The following NBPF8 variants were observed in gnomAD, a reference collection of about 807,000 sequenced individuals.
The protein encoded by NBPF8 is NBPF member 8, also known as NBPF family member NBPF8.
chr1:120,433,150 G>T (rs1436411711), upstream of NBPF8: 1 of 152,108 alleles, frequency 6.6e-6, no homozygotes, highest in Non-Finnish European at 1.5e-5. Context: ...ACACAATTCT[G>T]CTTAATATTT....
intron 1 of NBPF8, among the ~76,000 whole-genome samples, chr1:120,420,674 C>T (rs1660548696): frequency 2.1e-5 from 3 of 145,520 alleles, no homozygotes; most frequent in African/African-American, 5.3e-5. Flanking sequence ...AAGGCCGTTC[C>T]CATCTCCCAT....
chr1:120,420,738 C>T (rs1423475598), intron 1 of NBPF8, among the ~76,000 whole-genome samples: 2 of 144,348 alleles, frequency 1.4e-5, no homozygotes, highest in Non-Finnish European at 3.0e-5. Flanking sequence ...TTCTTGGTTC[C>T]CCAGGACCTT....
At chr1:120,432,011 C>A (rs1403925202), upstream of NBPF8, among the ~76,000 whole-genome samples, 2 of 117,232 alleles carry the variant, frequency 1.7e-5, no homozygotes, top group Non-Finnish European at 3.5e-5. Context: ...TGGAAGTGTG[C>A]ATTCATCTAA....
chr1:120,450,421 G>A (rs1407932781), intron 11 of NBPF8, among the ~76,000 whole-genome samples: 1 of 151,878 alleles, frequency 6.6e-6, no homozygotes, highest in Non-Finnish European at 1.5e-5. Flanking sequence ...ATCCATCCAA[G>A]TTGCTTGTCT....
rs1660612328 is a variant in NBPF8 at position 120,422,852 on chromosome 1, T to C, written n.269+2734T>C. Among the ~76,000 whole-genome samples, 12 of 105,436 alleles carry C rather than the reference T, an allele frequency of 1.1e-4. 2 individuals are homozygous for C. The South Asian group carries it at 2.9e-3, about 26-fold the overall frequency. The allele number at this position is 105,436 out of a possible 152,430, so 69.2% of individuals were successfully genotyped here. A position where few individuals can be genotyped will look rare whatever the true frequency, so the allele number is the denominator to read the frequency against. ...CCATTCTGATAGGTTTACAGTGATA[T>C]CTCGTTTTAATGTGCAATTCCCTCA... On this transcript the variant is annotated intron_variant and non_coding_transcript_variant, in intron 1 of 28. Transcript: ENST00000652355.
intron 3 of NBPF8, among the ~76,000 whole-genome samples, chr1:120,430,771 A>T (rs1185226556): frequency 2.7e-5 from 4 of 149,080 alleles, no homozygotes; most frequent in Non-Finnish European, 5.9e-5. Context: ...AAAAAAAAAA[A>T]AAAGGAAAGT....
chr1:120,464,601 G>A (rs1268989975), intron 23 of NBPF8, 53 bp downstream of exon 21: 88 of 797,068 alleles, frequency 1.1e-4, no homozygotes, highest in Non-Finnish European at 1.3e-4. Context: ...TCCATATAAA[G>A]ATCATGTTCC....
Position 120,450,210 on chromosome 1 carries a change from G to C in NBPF8, n.1971+808G>C, listed in dbSNP as rs1661225151. Among the ~76,000 whole-genome samples, 3 of 152,068 alleles carry C rather than the reference G, an allele frequency of 2.0e-5. No homozygotes were observed. In the South Asian group the frequency reaches 6.2e-4, roughly 32 times the overall value. ...CCATTGCACTCCAGCCTGGGCGACAGGGCAAGACTGTTAAAAATAATAATA... is the reference window on the plus strand; with the variant it reads ...CCATTGCACTCCAGCCTGGGCGACACGGCAAGACTGTTAAAAATAATAATA... On this transcript the variant is annotated intron_variant and non_coding_transcript_variant, in intron 11 of 24. Transcript: ENST00000583271.
intron 3 of NBPF8, among the ~76,000 whole-genome samples, chr1:120,428,148 G>C (rs1284601030): frequency 6.6e-6 from 1 of 151,670 alleles, no homozygotes; most frequent in Non-Finnish European, 1.5e-5. Context: ...CAAATTTGTT[G>C]TCTGTCCCCT....
chr1:120,421,592 C>T (rs1660579568), intron 1 of NBPF8, among the ~76,000 whole-genome samples: 1 of 145,174 alleles, frequency 6.9e-6, no homozygotes, highest in Non-Finnish European at 1.5e-5. Flanking sequence ...TTTTCTTTGT[C>T]TCTCATGCTC....
rs1263945208 is a variant in NBPF8 at position 120,436,706 on chromosome 1, T to C, written n.345+9T>C. On this transcript the variant is annotated intron_variant and non_coding_transcript_variant, in intron 1 of 24. Transcript: ENST00000583271. Reference sequence around the variant, plus strand: ...CCGACAGAAGAAATACAGTAAGATCTATAGGCTCACCGTCATGAAAGTGAT... The same window carrying C: ...CCGACAGAAGAAATACAGTAAGATCCATAGGCTCACCGTCATGAAAGTGAT... The C allele has an allele frequency of 1.9e-5, 23 of 1,229,946 alleles. No homozygotes were observed. The highest frequency in any genetic ancestry group is 2.7e-5 in the Non-Finnish European group (23 of 845,104). The allele number at this position is 1,229,946 out of a possible 1,614,324, so 76.2% of individuals were successfully genotyped here. A position where few individuals can be genotyped will look rare whatever the true frequency, so the allele number is the denominator to read the frequency against.
In NBPF8 at chr1:120,449,417, C is replaced by T. The variant is rs781993436; in HGVS notation, n.1971+15C>T. 16 of 1,472,328 alleles carry T rather than the reference C, an allele frequency of 1.1e-5. No individual in the cohort carries two copies. Among genetic ancestry groups the T allele is most frequent in the Non-Finnish European group, 1.3e-5 (14 of 1,051,336 alleles). The allele number at this position is 1,472,328 out of a possible 1,614,324, so 91.2% of individuals were successfully genotyped here. On this transcript the variant is annotated intron_variant and non_coding_transcript_variant, in intron 11 of 24. Transcript: ENST00000583271. ...GAACAAATACAGTAAGATCTACAGG[C>T]TCACCATCATGAAAGTGATGAATGA... is the stretch of plus-strand genomic sequence containing the variant.
intron 1 of NBPF8, among the ~76,000 whole-genome samples, chr1:120,423,191 C>A (rs1660619415): frequency 7.5e-6 from 1 of 133,880 alleles, no homozygotes; most frequent in African/African-American, 3.4e-5. Context: ...ATCTAAGAAG[C>A]CATCATTGAA....
upstream of NBPF8, among the ~76,000 whole-genome samples, chr1:120,434,592 T>G (rs1251550245): frequency 1.3e-5 from 2 of 151,438 alleles, no homozygotes; most frequent in Non-Finnish European, 2.9e-5. Flanking sequence ...CACCCATGAG[T>G]GAGAACATGC....
intron 17 of NBPF8, among the ~76,000 whole-genome samples, chr1:120,460,116 T>G (rs1435578171): frequency 3.3e-5 from 5 of 152,322 alleles, no homozygotes; most frequent in Admixed American, 2.0e-4. Context: ...CCATAATAGC[T>G]GATGCTTCTG....
intron 3 of NBPF8, among the ~76,000 whole-genome samples, chr1:120,431,251 ACG>A (rs1491185385): frequency 1.6e-4 from 14 of 87,374 alleles, no homozygotes; most frequent in Non-Finnish European, 3.0e-4. Context: ...ACACACACAA[ACG>A]TGTGTGTGTG....
At chr1:120,420,499 A>G (rs1230750752) in intron 1 of NBPF8, among the ~76,000 whole-genome samples, 3,675 of 145,976 alleles carry the variant, frequency 0.025, 42 homozygotes, top group African/African-American at 0.039. Context: ...TTCAGCTTTC[A>G]TGGCTCACCC....
At chr1:120,425,490 A>G (rs77049995) in intron 1 of NBPF8, among the ~76,000 whole-genome samples, 24,788 of 151,958 alleles carry the variant, frequency 0.16, 2,800 homozygotes, top group East Asian at 0.55. Flanking sequence ...TGTCTCCACT[A>G]TTATCCTATT....
At chr1:120,418,592 C>T (rs1660488971), upstream of NBPF8, among the ~76,000 whole-genome samples, 1 of 149,682 alleles carries the variant, frequency 6.7e-6, no homozygotes, top group Non-Finnish European at 1.5e-5. Context: ...GCTCTGTTGC[C>T]CAGGCTGGAG....
Sources: gnomAD v4.1 joint callset for allele counts (sites outside exome capture counted in the v4.1 genomes callset) on GRCh38, gnomAD v4.1.1 for gene constraint, MANE v1.5 for transcripts, NCBI Gene and HGNC (gene_info 2026-07-23, HGNC 2026-07-21) for gene names.